The following FANCE variants were observed in gnomAD, a reference collection of about 807,000 sequenced individuals.
FANCE encodes the protein Fanconi anemia group E protein.
A neutral mutation model predicts 57.8 loss-of-function variants in FANCE; 42 were observed. The ratio of observed to expected loss-of-function variants is 0.73; its 90% CI spans 0.57 to 0.94. The LOEUF (loss-of-function observed/expected upper bound fraction) is 0.94, where lower values mean the gene tolerates loss of function less well. Among genes scored for constraint, FANCE ranks in the 40% least tolerant of loss-of-function variants. FANCE has a pLI of 0.00. For synonymous variants in FANCE, 251 were observed against 286.4 expected (o/e 0.88, Z 1.25); for missense variants, 608 against 661.8 (o/e 0.92, Z 0.89).
At chr6:35,463,600 G>T (rs1767681933) in intron 9 of FANCE, among the ~76,000 whole-genome samples, 1 of 151,672 alleles carries the variant, frequency 6.6e-6, no homozygotes, top group Non-Finnish European at 1.5e-5. Flanking sequence ...AGGGCATTTG[G>T]TGGCAAAAGA....
At position 35,460,565 on chromosome 6, in the gene FANCE, C is replaced by A. The variant is rs1767549247; in HGVS notation, c.1330C>A (p.Leu444Met). Residue 444 changes from leucine (L) to methionine (M), a missense_variant, in exon 8 of 10, where the codon CTG (leucine) becomes ATG (methionine). Coordinates refer to ENST00000229769, the MANE Select transcript of FANCE (RefSeq NM_021922.3). ...TCTGCTTTGCAGACAGATCTTGGAG[C>A]TGCCCTGGAAGGAGGAAACTTTCTT... is the stretch of plus-strand genomic sequence containing the variant. The part of the protein sequence containing the change: ...QVLMLGQILE[L>M]PWKEETFLVL... 1 of 1,614,078 alleles carries A rather than the reference C, an allele frequency of 6.2e-7. No individual in the cohort carries two copies. The highest frequency in any genetic ancestry group is 1.3e-5 in the African/African-American group (1 of 75,054).
At position 35,456,790 on chromosome 6, in the gene FANCE, G is replaced by A. The variant is rs922942326; in HGVS notation, c.855+437G>A. On this transcript the variant is annotated intron_variant, in intron 2 of 9. Transcript: ENST00000229769. This position sits in a 1 kb window ranked among gnomAD's most constrained non-coding sequence, Gnocchi z 4.3. The stretch of plus-strand genomic sequence containing the variant: ...TGGCCTCCAAAGTGTTGGGATAACA[G>A]GTGTGAGCCACCACGCCCAGCCACT... Among the ~76,000 whole-genome samples, 10 of 152,198 alleles carry A rather than the reference G, an allele frequency of 6.6e-5. No homozygotes were observed. Among genetic ancestry groups the A allele is most frequent in the African/African-American group, 2.4e-4 (10 of 41,448 alleles).
intron 9 of FANCE, among the ~76,000 whole-genome samples, 182 bp from the exon 10 acceptor site, chr6:35,466,062 C>T (rs539925032): frequency 1.3e-5 from 2 of 152,196 alleles, no homozygotes; most frequent in Non-Finnish European, 2.9e-5. Flanking sequence ...AATTGTGCAG[C>T]TAGTATTTGG....
At chr6:35,457,686 GAT>G in intron 3 of FANCE, 86 bp downstream of exon 3, 1 of 1,466,076 alleles carries the variant, frequency 6.8e-7, no homozygotes, top group Non-Finnish European at 9.5e-7. Context: ...CCAATGCAGT[GAT>G]ATACAAGCTG....
chr6:35,454,209 G>A (rs553981283), intron 1 of FANCE, among the ~76,000 whole-genome samples: 6 of 151,936 alleles, frequency 3.9e-5, no homozygotes, highest in Admixed American at 6.6e-5. Context: ...CTACAGGCGC[G>A]TGCCAACACG....
Position 35,457,417 on chromosome 6 carries a change from G to C in FANCE, c.856-139G>C, listed in dbSNP as rs903421340. 2.0e-5 allele frequency: 17 copies of C among 865,844 alleles called. No individual in the cohort carries two copies. The Admixed American group carries it at 3.4e-4, about 17-fold the overall frequency. The allele number at this position is 865,844 out of a possible 1,614,324, so 53.6% of individuals were successfully genotyped here. ...AGTGCTGGTGTGAGCCACCGCGCTT[G>C]GCCTCTTGACTTTCTTGAATCATCT... On this transcript the variant is annotated intron_variant, in intron 2 of 9. Coordinates refer to ENST00000229769, the MANE Select transcript of FANCE (RefSeq NM_021922.3).
At chr6:35,461,118 A>G (rs535097729) in intron 8 of FANCE, among the ~76,000 whole-genome samples, 3 of 151,826 alleles carry the variant, frequency 2.0e-5, no homozygotes, top group East Asian at 3.9e-4. Context: ...GGGTTTTGCC[A>G]TGACCTGAGG....
chr6:35,452,742 C>G lies in FANCE; in HGVS notation c.197C>G (p.Ala66Gly), dbSNP rs1767159026. The change falls in exon 1 of 10, where the codon GCC (alanine) becomes GGC (glycine). Residue 66 changes from alanine (A) to glycine (G), a missense_variant. Physicochemically the swap from Ala to Gly is moderately conservative, Grantham distance 60. Transcript: ENST00000229769. ...TTCGACTGGGGTCGCTTGCTCGAGG[C>G]CCTGTGCCGGGAGGAGCCGGTCGTG... ...EPFDWGRLLEALCREEPVVQG... is the reference protein window; with the variant it reads ...EPFDWGRLLEGLCREEPVVQG... The G allele has an allele frequency of 7.9e-7, 1 of 1,265,456 alleles. No homozygotes were observed. The highest frequency in any genetic ancestry group is 2.7e-5 in the South Asian group (1 of 36,382). The allele number at this position is 1,265,456 out of a possible 1,614,324, so 78.4% of individuals were successfully genotyped here.
At position 35,456,284 on chromosome 6, in the gene FANCE, C is replaced by T. The variant is rs755421532; in HGVS notation, c.786C>T (p.Gly262=). 1.2e-5 allele frequency: 19 copies of T among 1,613,994 alleles called. No homozygotes were observed. The highest frequency in any genetic ancestry group is 3.3e-5 in the Admixed American group (2 of 60,000). ...KDQPVMAVKT[G]EDGSNLDDAK... ...AGCCTGTCATGGCAGTTAAGACTGG[C>T]GAGGACGGTTCGAATCTGGATGATG... Residue 262 remains glycine (G), a synonymous_variant, in exon 2 of 10, where the codon GGC becomes GGT. Transcript: ENST00000229769. This position sits in a 1 kb window ranked among gnomAD's most constrained non-coding sequence, Gnocchi z 4.3.
At chr6:35,464,155 T>A (rs11962317) in intron 9 of FANCE, among the ~76,000 whole-genome samples, 21,723 of 151,758 alleles carry the variant, frequency 0.14, 2,903 homozygotes, top group African/African-American at 0.36. Context: ...CTAAGAGCTA[T>A]TATTTCTACA....
Position 35,452,768 on chromosome 6 carries a change from C to T in FANCE, c.223C>T (p.Gln75Ter). 1 of 1,291,342 alleles carries T rather than the reference C, an allele frequency of 7.7e-7. No homozygotes were observed. Among genetic ancestry groups the T allele is most frequent in the Non-Finnish European group, 9.9e-7 (1 of 1,015,208 alleles). 80.0% of individuals were successfully genotyped at this position (1,291,342 alleles called of 1,614,324 possible). ...EALCREEPVV[Q>*]GPDGRLELKP... ...CCTGTGCCGGGAGGAGCCGGTCGTGCAGGGGCCTGACGGCCGTCTGGAGCT... is the reference window on the plus strand; with the variant it reads ...CCTGTGCCGGGAGGAGCCGGTCGTGTAGGGGCCTGACGGCCGTCTGGAGCT... Residue 75 changes from glutamine to a stop codon, truncating the protein, a stop_gained, in exon 1 of 10, where the codon CAG (glutamine) becomes TAG (stop). Coordinates refer to ENST00000229769, the MANE Select transcript of FANCE (RefSeq NM_021922.3). LOFTEE classifies it high-confidence loss of function.
intron 1 of FANCE, among the ~76,000 whole-genome samples, chr6:35,454,252 G>C (rs868352104): frequency 1.8e-4 from 27 of 152,016 alleles, no homozygotes; most frequent in African/African-American, 5.3e-4. Context: ...AGCAGAGATA[G>C]AGTTTCACCA....
chr6:35,465,172 T>C (rs1442129648), intron 9 of FANCE, among the ~76,000 whole-genome samples: 1 of 151,776 alleles, frequency 6.6e-6, no homozygotes, highest in African/African-American at 2.4e-5. Flanking sequence ...TATATATGTA[T>C]GTATGTATGT....
In FANCE at chr6:35,455,890, C is replaced by A; in HGVS notation, c.392C>A (p.Ala131Asp). The change falls in exon 2 of 10, where the codon GCC becomes GAC. Residue 131 changes from alanine to aspartate, a missense_variant. Coordinates refer to ENST00000229769, the MANE Select transcript of FANCE (RefSeq NM_021922.3). ...CAGGACCTAGCCCCTGACCCAGATG[C>A]CTGGCTCCGTGCCCTGGGGGAATTG... ...AQQDLAPDPD[A>D]WLRALGELLR... 6.2e-7 allele frequency: 1 copy of A among 1,614,166 alleles called. No homozygotes were observed.
At chr6:35,464,466 T>C (rs567547408) in intron 9 of FANCE, among the ~76,000 whole-genome samples, 4 of 152,024 alleles carry the variant, frequency 2.6e-5, no homozygotes, top group Admixed American at 2.6e-4. Context: ...CTCGATCTCC[T>C]GACCTTGTGA....
chr6:35,452,861 C>G, intron 1 of FANCE, 68 bp downstream of exon 1: 1 of 1,258,272 alleles, frequency 7.9e-7, no homozygotes, highest in Non-Finnish European at 1.0e-6. Context: ...ACGACACACA[C>G]AGAGGTGAAA....
rs1561791585 is a variant in FANCE at position 35,458,335 on chromosome 6, C to G, written c.1008C>G (p.Leu336=). 1 of 1,614,036 alleles carries G rather than the reference C, an allele frequency of 6.2e-7. No homozygotes were observed. The highest frequency in any genetic ancestry group is 1.3e-5 in the African/African-American group (1 of 74,920). Reference sequence around the variant, plus strand: ...GTGCCCAGCTGCAGCTCCCTCAGCTCTCAGACCTCGGTCTCCTGCGGCTCT... The same window carrying G: ...GTGCCCAGCTGCAGCTCCCTCAGCTGTCAGACCTCGGTCTCCTGCGGCTCT... The part of the protein sequence containing the change: ...LLCAQLQLPQ[L]SDLGLLRLCT... Residue 336 remains leucine, a synonymous_variant, in exon 5 of 10, where the codon CTC becomes CTG. Transcript: ENST00000229769.
intron 9 of FANCE, among the ~76,000 whole-genome samples, chr6:35,464,225 CAG>C (rs1210581869): frequency 7.0e-6 from 1 of 142,552 alleles, no homozygotes; most frequent in Non-Finnish European, 1.5e-5. Flanking sequence ...AAAATAGAGA[CAG>C]GGTCTTCTTT....
intron 8 of FANCE, among the ~76,000 whole-genome samples, chr6:35,462,228 C>T (rs766484130): frequency 2.1e-4 from 32 of 152,188 alleles, no homozygotes; most frequent in African/African-American, 4.1e-4. Context: ...CAGCCTCAGC[C>T]CCCTGAGTAG....
Sources: gnomAD v4.1 joint callset for allele counts (sites outside exome capture counted in the v4.1 genomes callset) on GRCh38, gnomAD v4.1.1 for gene constraint, Gnocchi (gnomAD v3.1) non-coding constraint, MANE v1.5 for transcripts, NCBI Gene and HGNC (gene_info 2026-07-23, HGNC 2026-07-21) for gene names.